Variants in SFMBT2 observed in about 807,000 individuals in gnomAD.
SFMBT2 encodes Scm like with four mbt domains 2.
In SFMBT2, 38 loss-of-function variants were observed where a neutral mutation model predicts 110.1. That is an observed-to-expected ratio of 0.35 (90% CI 0.27 to 0.45). The LOEUF (loss-of-function observed/expected upper bound fraction) is 0.45. Ranked by LOEUF, SFMBT2 falls within the 20% of genes least tolerant of loss-of-function variation. SFMBT2 has a pLI of 1.00. For missense variants in SFMBT2, 1,011 were observed against 1,094.9 expected (o/e 0.92, Z 1.08); for synonymous variants, 425 against 425.4 (o/e 1.00, Z 0.01).
intron 4 of SFMBT2, among the ~76,000 whole-genome samples, chr10:7,325,046 C>T (rs1173761445): frequency 7.1e-6 from 1 of 141,582 alleles, no homozygotes; most frequent in Non-Finnish European, 1.5e-5. Context: ...CGGCTCACTA[C>T]AACCTCCACC....
intron 7 of SFMBT2, among the ~76,000 whole-genome samples, chr10:7,259,901 C>A (rs1272837850): frequency 6.6e-6 from 1 of 152,212 alleles, no homozygotes; most frequent in African/African-American, 2.4e-5. Flanking sequence ...ACACTGCAGA[C>A]CCGGTGCTGC....
intron 14 of SFMBT2, among the ~76,000 whole-genome samples, chr10:7,199,863 T>A (rs1340895206): frequency 6.6e-6 from 1 of 152,236 alleles, no homozygotes; most frequent in East Asian, 1.9e-4. Context: ...TGTACAAACA[T>A]GTCTATTACC....
intron 7 of SFMBT2, among the ~76,000 whole-genome samples, chr10:7,266,547 G>A (rs1050234423): frequency 2.6e-5 from 4 of 152,194 alleles, no homozygotes; most frequent in South Asian, 2.1e-4. Context: ...GAGGGGGCAC[G>A]GCAGGTACGT....
chr10:7,196,160 C>T (rs963417773), intron 15 of SFMBT2, among the ~76,000 whole-genome samples: 2 of 151,952 alleles, frequency 1.3e-5, no homozygotes, highest in Non-Finnish European at 2.9e-5. Context: ...GTGCCCTATC[C>T]ATAGATTCAA....
rs767965917 is a variant in SFMBT2, at chr10:7,170,917, A to C, written c.2544+11T>G. On this transcript the variant is annotated intron_variant, in intron 20 of 20. Transcript: ENST00000397167. This position sits in a 1 kb window ranked among gnomAD's most constrained non-coding sequence, Gnocchi z 4.6. ...GCACATCAAACAATCGACACGCGGCAACCACCGTACCTGCTCCTGAAATAT... is the reference window on the plus strand; with the variant it reads ...GCACATCAAACAATCGACACGCGGCCACCACCGTACCTGCTCCTGAAATAT... 6.2e-7 allele frequency: 1 copy of C among 1,613,924 alleles called. No homozygotes were observed. Among genetic ancestry groups the C allele is most frequent in the South Asian group, 1.1e-5 (1 of 91,074 alleles).
In SFMBT2 at chr10:7,288,780, C is replaced by G. The variant is rs949157852; in HGVS notation, c.437-2826G>C. Among the ~76,000 whole-genome samples the G allele has an allele frequency of 7.2e-5, 11 of 151,976 alleles. 1 individual carries two copies. Among genetic ancestry groups the G allele is most frequent in the Admixed American group, 6.6e-4 (10 of 15,266 alleles). ...GTGCGGTGGCTCACACCTGCAATCC[C>G]AGCACTTTGGGAGGCCAAGGCGGGT... On this transcript the variant is annotated intron_variant, in intron 4 of 20. Coordinates refer to ENST00000397167, the MANE Select transcript of SFMBT2 (RefSeq NM_001387889.1).
rs1033881037 is a variant in SFMBT2, at chr10:7,301,184, G to A, written c.437-15230C>T. Among the ~76,000 whole-genome samples, 7 of 152,194 alleles carry A rather than the reference G, an allele frequency of 4.6e-5. No homozygotes were observed. The highest frequency in any genetic ancestry group is 7.2e-5 in the African/African-American group (3 of 41,438). ...CAGAAGTTCCTTCACTGAAAGTCTCGGGGAAGGGAATAGTCAGCATAAAGA... is the reference window on the plus strand; with the variant it reads ...CAGAAGTTCCTTCACTGAAAGTCTCAGGGAAGGGAATAGTCAGCATAAAGA... On this transcript the variant is annotated intron_variant, in intron 4 of 20. Transcript: ENST00000397167. The surrounding 1 kb of genome is among the most constrained non-coding windows in gnomAD (Gnocchi z 4.2).
intron 4 of SFMBT2, among the ~76,000 whole-genome samples, chr10:7,303,826 G>T (rs2131886900): frequency 6.6e-6 from 1 of 152,330 alleles, no homozygotes; most frequent in Middle Eastern, 3.4e-3. Flanking sequence ...TATAAATGTA[G>T]TCACACATAT....
intron 4 of SFMBT2, among the ~76,000 whole-genome samples, chr10:7,305,430 T>C (rs1176209718): frequency 6.6e-6 from 1 of 152,204 alleles, no homozygotes; most frequent in East Asian, 1.9e-4. Context: ...CACTATATTA[T>C]AAACTCCTGT....
intron 4 of SFMBT2, among the ~76,000 whole-genome samples, chr10:7,309,801 G>A (rs1018935918): frequency 6.6e-6 from 1 of 152,192 alleles, no homozygotes; most frequent in Non-Finnish European, 1.5e-5. Flanking sequence ...AAGAAAGGAG[G>A]AGGAGGAGGT....
intron 2 of SFMBT2, among the ~76,000 whole-genome samples, chr10:7,377,980 G>C (rs986329102): frequency 4.1e-5 from 6 of 145,500 alleles, no homozygotes; most frequent in Admixed American, 3.4e-4. Context: ...TTGTGTGTGT[G>C]GGGGGGAGGT....
chr10:7,180,133 C>CTTTTTT (rs34158255), intron 16 of SFMBT2, among the ~76,000 whole-genome samples: 4 of 128,988 alleles, frequency 3.1e-5, no homozygotes, highest in African/African-American at 5.4e-5. Flanking sequence ...CTTTTTTTTG[C>CTTTTTT]TTTTTTTGAG....
chr10:7,358,546 T>G (rs1214482187), intron 4 of SFMBT2, among the ~76,000 whole-genome samples: 1 of 151,784 alleles, frequency 6.6e-6, no homozygotes, highest in Non-Finnish European at 1.5e-5. Context: ...AACATCTGTA[T>G]GGCCATGGAA....
In SFMBT2 at chr10:7,328,666, C is replaced by T. The variant is rs542976058; in HGVS notation, c.436+38983G>A. 3.3e-5 allele frequency among the ~76,000 whole-genome samples: 5 copies of T among 152,340 alleles called. No individual in the cohort carries two copies. The East Asian group carries it at 9.6e-4, about 29-fold the overall frequency. On this transcript the variant is annotated intron_variant, in intron 4 of 20. Coordinates refer to ENST00000397167, the MANE Select transcript of SFMBT2 (RefSeq NM_001387889.1). ...TAATTTTTGGCACATGGCTGTCCCA[C>T]TGTAGGAGTCTACATAAAACAATTT...
At chr10:7,254,928 A>G (rs1027625019) in intron 7 of SFMBT2, among the ~76,000 whole-genome samples, 2 of 152,206 alleles carry the variant, frequency 1.3e-5, no homozygotes, top group African/African-American at 4.8e-5. Context: ...AGGCAAAACT[A>G]GTCACTTGAC....
intron 15 of SFMBT2, among the ~76,000 whole-genome samples, chr10:7,194,392 G>T (rs888636025): frequency 1.3e-5 from 2 of 152,140 alleles, no homozygotes; most frequent in African/African-American, 4.8e-5. Context: ...ACAGAACCCA[G>T]AACTGGACTC....
At chr10:7,354,946 C>T (rs975191528) in intron 4 of SFMBT2, among the ~76,000 whole-genome samples, 4 of 152,142 alleles carry the variant, frequency 2.6e-5, no homozygotes, top group African/African-American at 9.7e-5. Flanking sequence ...CAGATAAAGA[C>T]GTAAGTCATA....
chr10:7,176,162 G>T lies in SFMBT2; in HGVS notation c.1812C>A (p.Tyr604Ter), dbSNP rs764383526. Residue 604 changes from tyrosine (Y) to a stop codon, truncating the protein, a stop_gained, in exon 17 of 21, where the codon TAC becomes TAA. Coordinates refer to ENST00000397167, the MANE Select transcript of SFMBT2 (RefSeq NM_001387889.1). LOFTEE classifies it high-confidence loss of function. Reference sequence around the variant, plus strand: ...CCACAGCCCTGTATGTTTTGCCTCTGTATCTAGAAAATAGGTGGGGAAGAA... The same window carrying T: ...CCACAGCCCTGTATGTTTTGCCTCTTTATCTAGAAAATAGGTGGGGAAGAA... ...NFQEETLKAK[Y>*]RGKTYRAVVK... 6.2e-7 allele frequency: 1 copy of T among 1,614,126 alleles called. No homozygotes were observed. Among genetic ancestry groups the T allele is most frequent in the East Asian group, 2.2e-5 (1 of 44,886 alleles).
intron 4 of SFMBT2, among the ~76,000 whole-genome samples, chr10:7,300,767 T>C (rs1210866934): frequency 6.6e-6 from 1 of 152,222 alleles, no homozygotes; most frequent in African/African-American, 2.4e-5. Context: ...CAAATGTATT[T>C]TTAAGAATGT....
Sources: allele counts gnomAD v4.1 joint callset (sites outside exome capture counted in the v4.1 genomes callset), GRCh38; gene constraint gnomAD v4.1.1; non-coding constraint Gnocchi (gnomAD v3.1); transcripts MANE v1.5; gene names NCBI Gene and HGNC (gene_info 2026-07-23, HGNC 2026-07-21).